The following GLDN variants were observed in gnomAD, a reference collection of about 807,000 sequenced individuals.
GLDN encodes the protein collomin.
GLDN carries 47 observed loss-of-function variants against 56.5 expected under a neutral mutation model. The observed-to-expected ratio is 0.83, with a 90% CI of 0.66 to 1.06. The LOEUF (loss-of-function observed/expected upper bound fraction) is 1.06. Ranked by LOEUF, GLDN falls within the 50% of genes least tolerant of loss-of-function variation. GLDN has a pLI of 0.00. For missense variants in GLDN, 782 were observed against 714.3 expected (o/e 1.09, Z -1.08); for synonymous variants, 332 against 278.8 (o/e 1.19, Z -1.90).
intron 9 of GLDN, among the ~76,000 whole-genome samples, chr15:51,403,805 C>G (rs1329394702): frequency 6.6e-6 from 1 of 152,192 alleles, no homozygotes; most frequent in African/African-American, 2.4e-5. Context: ...AGTTCAACCT[C>G]TGGCTCTGCC....
intron 1 of GLDN, among the ~76,000 whole-genome samples, chr15:51,348,162 A>G (rs2445771): frequency 0.15 from 22,775 of 152,018 alleles, 2,797 homozygotes; most frequent in African/African-American, 0.32. Context: ...CTCCTAGGCC[A>G]GGGAGCAATA....
At chr15:51,348,340 T>A (rs887047634) in intron 1 of GLDN, among the ~76,000 whole-genome samples, 1 of 151,992 alleles carries the variant, frequency 6.6e-6, no homozygotes, top group African/African-American at 2.4e-5. Context: ...TTATTTTATT[T>A]TTTTATTTTA....
intron 2 of GLDN, among the ~76,000 whole-genome samples, chr15:51,379,868 A>T (rs2037717933): frequency 1.3e-5 from 2 of 152,196 alleles, no homozygotes; most frequent in South Asian, 4.1e-4. Context: ...TCTTTCTTCC[A>T]CAGTCTTGAC....
At chr15:51,395,593 A>T (rs1312540745) in intron 5 of GLDN, among the ~76,000 whole-genome samples, 1 of 152,124 alleles carries the variant, frequency 6.6e-6, no homozygotes, top group East Asian at 1.9e-4. Flanking sequence ...AAAACAGCCC[A>T]GGGGCCTTGG....
At chr15:51,366,124 A>T (rs2037396424) in intron 1 of GLDN, among the ~76,000 whole-genome samples, 1 of 151,728 alleles carries the variant, frequency 6.6e-6, no homozygotes, top group Non-Finnish European at 1.5e-5. Flanking sequence ...GTAGTTAAGG[A>T]GATAGAACGT....
intron 1 of GLDN, among the ~76,000 whole-genome samples, chr15:51,348,516 T>C (rs1460139134): frequency 6.6e-6 from 1 of 151,936 alleles, no homozygotes; most frequent in Non-Finnish European, 1.5e-5. Flanking sequence ...ATTTTTTTTC[T>C]TTAGTAGAAA....
Position 51,374,100 on chromosome 15 carries a change from A to G in GLDN, c.364-3349A>G, listed in dbSNP as rs7162540. Reference sequence around the variant, plus strand: ...ACATAATTTACTGGTAAATATCTCAATTGACATTTAGCATACAAATGAAAT... The same window carrying G: ...ACATAATTTACTGGTAAATATCTCAGTTGACATTTAGCATACAAATGAAAT... On this transcript the variant is annotated intron_variant, in intron 1 of 9. Transcript: ENST00000335449. Among the ~76,000 whole-genome samples, 1,262 of 152,342 alleles carry G rather than the reference A, an allele frequency of 8.3e-3. 23 individuals are homozygous for G. The highest frequency in any genetic ancestry group is 0.029 in the African/African-American group (1,203 of 41,580).
At chr15:51,371,948 G>A (rs2037525591) in intron 1 of GLDN, among the ~76,000 whole-genome samples, 2 of 152,202 alleles carry the variant, frequency 1.3e-5, no homozygotes, top group Non-Finnish European at 2.9e-5. Flanking sequence ...GCCTCCCAAA[G>A]TGTTGGGACT....
At chr15:51,378,172 G>A (rs1007184386) in intron 2 of GLDN, among the ~76,000 whole-genome samples, 1 of 152,164 alleles carries the variant, frequency 6.6e-6, no homozygotes, top group Non-Finnish European at 1.5e-5. Flanking sequence ...GAGTATATGG[G>A]TATGTGAATG....
chr15:51,401,879 G>A (rs2038260196), intron 9 of GLDN, 136 bp downstream of exon 9: 1 of 754,730 alleles, frequency 1.3e-6, no homozygotes. Flanking sequence ...GGTCAATCAG[G>A]GTTTGTCGAC....
At chr15:51,371,586 A>T (rs1595816814) in intron 1 of GLDN, among the ~76,000 whole-genome samples, 1 of 152,244 alleles carries the variant, frequency 6.6e-6, no homozygotes, top group African/African-American at 2.4e-5. Context: ...TCAGGCTGCC[A>T]GTAGGGCCCA....
chr15:51,386,110 A>C (rs981358231), intron 4 of GLDN, among the ~76,000 whole-genome samples: 3 of 152,118 alleles, frequency 2.0e-5, no homozygotes, highest in African/African-American at 7.2e-5. Context: ...GGTTTCTGGG[A>C]GATCTCATAG....
chr15:51,400,556 G>C (rs1196969107), intron 8 of GLDN, 58 bp downstream of exon 8: 1 of 1,563,310 alleles, frequency 6.4e-7, no homozygotes, highest in Non-Finnish European at 8.7e-7. Flanking sequence ...TTCATCTGTT[G>C]CCTACCTTTG....
At chr15:51,391,502 G>T (rs553293019) in intron 4 of GLDN, among the ~76,000 whole-genome samples, 1 of 152,296 alleles carries the variant, frequency 6.6e-6, no homozygotes, top group South Asian at 2.1e-4. Flanking sequence ...GTGCAGGCTG[G>T]ACTCTATGGC....
In GLDN at chr15:51,400,392, T is replaced by C. The variant is rs1422514577; in HGVS notation, c.921T>C (p.Ile307=). The C allele has an allele frequency of 6.2e-7, 1 of 1,614,092 alleles. No homozygotes were observed. Among genetic ancestry groups the C allele is most frequent in the Non-Finnish European group, 8.5e-7 (1 of 1,180,044 alleles). The change falls in exon 8 of 10, where the codon ATT becomes ATC. Residue 307 remains isoleucine (I), a synonymous_variant. Coordinates refer to ENST00000335449, the MANE Select transcript of GLDN (RefSeq NM_181789.4). ...SPQAESMITS[I]GNPVQVLKVT... is the part of the protein sequence containing the mutation. ...TGGCAGAATCCATGATCACTTCCAT[T>C]GGAAACCCAGTGCAAGTACTGAAAG...
downstream of GLDN, among the ~76,000 whole-genome samples, chr15:51,409,811 TTA>T (rs1439098880): frequency 6.6e-6 from 1 of 152,220 alleles, no homozygotes; most frequent in Non-Finnish European, 1.5e-5. Context: ...GTTCCTGACT[TTA>T]TGTTTTCCAC....
chr15:51,382,755 C>G (rs1007316477), intron 2 of GLDN, among the ~76,000 whole-genome samples: 8 of 144,312 alleles, frequency 5.5e-5, no homozygotes, highest in African/African-American at 2.2e-4. Context: ...AGAAAAGAAA[C>G]AAAAGGAACT....
downstream of GLDN, among the ~76,000 whole-genome samples, chr15:51,412,332 T>G (rs989905980): frequency 1.3e-5 from 2 of 152,198 alleles, no homozygotes; most frequent in Non-Finnish European, 2.9e-5. Context: ...GACCTTTCTA[T>G]TGTAGTGATA....
chr15:51,359,850 G>T (rs1445704295), intron 1 of GLDN, among the ~76,000 whole-genome samples: 1 of 151,910 alleles, frequency 6.6e-6, no homozygotes, highest in Non-Finnish European at 1.5e-5. Context: ...ATGGTGGCAG[G>T]CACCTGTAGT....
Sources: gnomAD v4.1 joint callset for allele counts (sites outside exome capture counted in the v4.1 genomes callset) on GRCh38, gnomAD v4.1.1 for gene constraint, MANE v1.5 for transcripts, NCBI Gene and HGNC (gene_info 2026-07-23, HGNC 2026-07-21) for gene names.